CNTNAP3: variants seen among roughly 807,000 people sequenced by gnomAD.
The protein encoded by CNTNAP3 is contactin associated protein family member 3, also known as contactin-associated protein-like 3.
In CNTNAP3, 36 loss-of-function variants were observed where a neutral mutation model predicts 92.1. That is an observed-to-expected ratio of 0.39 (90% CI 0.30 to 0.52). The LOEUF (loss-of-function observed/expected upper bound fraction) is 0.52, where lower values mean the gene tolerates loss of function less well. Among genes scored for constraint, CNTNAP3 ranks in the 20% least tolerant of loss-of-function variants. CNTNAP3 has a pLI of 0.76. For synonymous variants in CNTNAP3, 232 were observed against 422.3 expected, an observed-to-expected ratio of 0.55 and a Z score of 5.53; for missense variants, 534 against 1,069.6, an observed-to-expected ratio of 0.50 and a Z score of 6.98.
rs138857401 is a variant in CNTNAP3, at chr9:39,103,790, A to T, written c.2490T>A (p.Phe830Leu). ...AATCTGTGATCCCCAGGTTCTCCAT[A>T]AACACCCCGGAGGAAACTGTGGTCT... Reference protein sequence around the residue: ...FFKTTVSSGVFMENLGITDFI... With the variant: ...FFKTTVSSGVLMENLGITDFI... Residue 830 changes from phenylalanine to leucine, a missense_variant, in exon 16 of 24, where the codon TTT becomes TTA. Phe to Leu is a conservative substitution (Grantham distance 22, BLOSUM62 0). Coordinates refer to ENST00000297668, the MANE Select transcript of CNTNAP3 (RefSeq NM_033655.5). 1.2e-6 allele frequency: 2 copies of T among 1,611,164 alleles called. No homozygotes were observed. Among genetic ancestry groups the T allele is most frequent in the Non-Finnish European group, 1.7e-6 (2 of 1,179,804 alleles).
At position 39,070,469 on chromosome 9, in the gene CNTNAP3, C is replaced by T. The variant is rs577852616; in HGVS notation, c.*3421G>A. Among the ~76,000 whole-genome samples, 51 of 142,686 alleles carry T rather than the reference C, an allele frequency of 3.6e-4. 1 individual carries two copies. The South Asian group carries it at 5.3e-3, about 15-fold the overall frequency. The allele number at this position is 142,686 out of a possible 152,430, so 93.6% of individuals were successfully genotyped here. On this transcript the variant is annotated 3_prime_UTR_variant, in exon 24 of 24. Transcript: ENST00000297668. ...TTGTGGGATCTAAAAATCAAAACAACGGAATTCATGGATATAGAGTAGAAG... is the reference window on the plus strand; with the variant it reads ...TTGTGGGATCTAAAAATCAAAACAATGGAATTCATGGATATAGAGTAGAAG...
intron 18 of CNTNAP3, among the ~76,000 whole-genome samples, chr9:39,090,106 AT>A (rs1271360282): frequency 6.6e-6 from 1 of 151,952 alleles, no homozygotes; most frequent in Non-Finnish European, 1.5e-5. Flanking sequence ...CGCGTGGCTA[AT>A]TTTTTGTATT....
chr9:39,094,995 T>C (rs1826293995), intron 18 of CNTNAP3, among the ~76,000 whole-genome samples: 1 of 151,544 alleles, frequency 6.6e-6, no homozygotes, highest in African/African-American at 2.4e-5. Context: ...TATTTAGTTC[T>C]TTCTTTAATC....
chr9:39,090,161 G>A (rs1417924266), intron 18 of CNTNAP3, among the ~76,000 whole-genome samples: 2 of 152,108 alleles, frequency 1.3e-5, no homozygotes, highest in Non-Finnish European at 2.9e-5. Flanking sequence ...GGATGGTCTC[G>A]AACTCCTGAC....
chr9:39,080,402 A>C (rs1235470565), intron 21 of CNTNAP3, among the ~76,000 whole-genome samples: 20 of 134,858 alleles, frequency 1.5e-4, no homozygotes, highest in African/African-American at 5.7e-4. Context: ...GTAGTTTTCC[A>C]CTCAGACACC....
At chr9:39,120,004 A>G (rs1820971306) in intron 13 of CNTNAP3, among the ~76,000 whole-genome samples, 2 of 152,218 alleles carry the variant, frequency 1.3e-5, no homozygotes, top group Admixed American at 6.5e-5. Flanking sequence ...AATCTCAAAA[A>G]GAGAGAAGAA....
At chr9:39,118,295 T>C in intron 13 of CNTNAP3, 36 bp from the exon 14 acceptor site, 1 of 1,612,564 alleles carries the variant, frequency 6.2e-7, no homozygotes, top group African/African-American at 1.3e-5. Context: ...ACATCTACTT[T>C]GTCCCTCACT....
chr9:39,086,635 T>G lies in CNTNAP3; in HGVS notation c.3354+81A>C, dbSNP rs1390006721. The G allele has an allele frequency of 7.2e-6, 10 of 1,395,976 alleles. 1 individual carries two copies. Among genetic ancestry groups the G allele is most frequent in the Non-Finnish European group, 6.7e-6 (7 of 1,047,428 alleles). The allele number at this position is 1,395,976 out of a possible 1,614,324, so 86.5% of individuals were successfully genotyped here. A position where few individuals can be genotyped will look rare whatever the true frequency, so the allele number is the denominator to read the frequency against. ...ACTGAATGGGTTGCTCTTCTATTAATATTATCAAATTTTTTCATTAGATTA... is the reference window on the plus strand; with the variant it reads ...ACTGAATGGGTTGCTCTTCTATTAAGATTATCAAATTTTTTCATTAGATTA... On this transcript the variant is annotated intron_variant, in intron 20 of 23. Coordinates refer to ENST00000297668, the MANE Select transcript of CNTNAP3 (RefSeq NM_033655.5).
intron 4 of CNTNAP3, among the ~76,000 whole-genome samples, chr9:39,179,284 TCTACAC>T (rs1466471625): frequency 2.2e-5 from 1 of 45,278 alleles, no homozygotes; most frequent in Non-Finnish European, 4.3e-5. Context: ...TCTCTCTCTC[TCTACAC>T]ACACACACAC....
chr9:39,066,935 AT>A lies in CNTNAP3; in HGVS notation c.*6954del, dbSNP rs1362587603. On this transcript the variant is annotated 3_prime_UTR_variant, in exon 24 of 24. Coordinates refer to ENST00000297668, the MANE Select transcript of CNTNAP3 (RefSeq NM_033655.5). ...TGCTTATGTATTAATTTTTAAAAAT[AT>A]TTTTTTCTATCCATCCACTCTCTTT... Among the ~76,000 whole-genome samples, 181 of 152,026 alleles carry A rather than the reference AT, an allele frequency of 1.2e-3. No homozygotes were observed. The highest frequency in any genetic ancestry group is 4.2e-3 in the African/African-American group (173 of 41,452).
intron 10 of CNTNAP3, among the ~76,000 whole-genome samples, chr9:39,148,613 C>T (rs1821761611): frequency 1.3e-5 from 2 of 151,728 alleles, no homozygotes; most frequent in South Asian, 4.2e-4. Flanking sequence ...GCAAGCTCCG[C>T]CTCCACGGTT....
chr9:39,128,525 A>G (rs1821201906), intron 13 of CNTNAP3, among the ~76,000 whole-genome samples: 1 of 151,788 alleles, frequency 6.6e-6, no homozygotes, highest in Non-Finnish European at 1.5e-5. Context: ...ATGTCCTTTC[A>G]AAATAAAAAC....
In CNTNAP3 at chr9:39,090,113, G is replaced by A. The variant is rs185574897; in HGVS notation, c.2996-1466C>T. Among the ~76,000 whole-genome samples the A allele has an allele frequency of 5.8e-3, 878 of 152,036 alleles. 13 individuals carry two copies. Among genetic ancestry groups the A allele is most frequent in the African/African-American group, 0.02 (835 of 41,440 alleles). On this transcript the variant is annotated intron_variant, in intron 18 of 23. Transcript: ENST00000297668. Reference sequence around the variant, plus strand: ...CGCCACTACGCGTGGCTAATTTTTTGTATTTTTAGTAGAGATGGGGTTTCA... The same window carrying A: ...CGCCACTACGCGTGGCTAATTTTTTATATTTTTAGTAGAGATGGGGTTTCA...
intron 17 of CNTNAP3, 153 bp from the exon 18 acceptor site, chr9:39,100,303 T>C (rs1473658956): frequency 2.6e-6 from 4 of 1,516,050 alleles, no homozygotes; most frequent in Middle Eastern, 2.4e-4. Context: ...ATGTAACTGT[T>C]ATGAGACATG....
chr9:39,159,411 A>T (rs185091613), intron 9 of CNTNAP3: 5,766 of 129,298 alleles, frequency 0.045, 261 homozygotes, highest in African/African-American at 0.089. Context: ...ATATATATAT[A>T]TTTTTTTTTC....
At chr9:39,091,358 G>A (rs1258195035) in intron 18 of CNTNAP3, among the ~76,000 whole-genome samples, 3 of 152,032 alleles carry the variant, frequency 2.0e-5, no homozygotes, top group Non-Finnish European at 1.5e-5. Flanking sequence ...TTAGACTGAG[G>A]AAGTTATCGT....
intron 23 of CNTNAP3, among the ~76,000 whole-genome samples, chr9:39,078,030 AC>A (rs1182272150): frequency 6.6e-6 from 1 of 152,216 alleles, no homozygotes; most frequent in East Asian, 1.9e-4. Flanking sequence ...ATACGGAGAA[AC>A]CCTGTGTCTA....
intron 12 of CNTNAP3, among the ~76,000 whole-genome samples, chr9:39,136,917 T>C (rs541432221): frequency 3.0e-4 from 45 of 148,164 alleles, no homozygotes; most frequent in Non-Finnish European, 5.5e-4. Flanking sequence ...AGGAGTTTAC[T>C]TTTATCTTTG....
chr9:39,114,084 T>C (rs1362439415), intron 14 of CNTNAP3, among the ~76,000 whole-genome samples: 4 of 146,428 alleles, frequency 2.7e-5, no homozygotes, highest in Admixed American at 6.8e-5. Context: ...ACACATACTT[T>C]TTTTTTTTTT....
Sources: gnomAD v4.1 joint callset for allele counts (sites outside exome capture counted in the v4.1 genomes callset) on GRCh38, gnomAD v4.1.1 for gene constraint, MANE v1.5 for transcripts, NCBI Gene and HGNC (gene_info 2026-07-23, HGNC 2026-07-21) for gene names.